Variants in TMEM156 observed in about 807,000 individuals in gnomAD.
TMEM156 encodes the protein transmembrane protein 156.
In TMEM156, 28 loss-of-function variants were observed where a neutral mutation model predicts 30.5. The ratio of observed to expected loss-of-function variants is 0.92; its 90% confidence interval spans 0.68 to 1.26. TMEM156 has a LOEUF of 1.26. Among genes scored for constraint, TMEM156 ranks in the 50% most tolerant of loss-of-function variants. The pLI is 0.00. For missense variants in TMEM156, 351 were observed against 340.6 expected (o/e 1.03, Z -0.24); for synonymous variants, 137 against 119.9 (o/e 1.14, Z -0.93).
chr4:39,006,764 A>AAAT (rs988311610), intron 1 of TMEM156, among the ~76,000 whole-genome samples: 7 of 151,762 alleles, frequency 4.6e-5, no homozygotes, highest in South Asian at 4.2e-4. Flanking sequence ...AAAAAATACA[A>AAAT]AATAATAATA....
At chr4:39,015,849 A>G (rs948012939) in intron 1 of TMEM156, among the ~76,000 whole-genome samples, 1 of 152,072 alleles carries the variant, frequency 6.6e-6, no homozygotes, top group Non-Finnish European at 1.5e-5. Context: ...TGGTTTTATA[A>G]GGGGAAACCC....
At chr4:39,014,858 G>GA (rs1456868217) in intron 1 of TMEM156, among the ~76,000 whole-genome samples, 1 of 149,776 alleles carries the variant, frequency 6.7e-6, no homozygotes, top group African/African-American at 2.5e-5. Flanking sequence ...TTTATGCTTT[G>GA]AAAAAAATTA....
chr4:39,001,592 A>T (rs1180051291), intron 1 of TMEM156, among the ~76,000 whole-genome samples: 4 of 151,606 alleles, frequency 2.6e-5, no homozygotes, highest in Non-Finnish European at 4.4e-5. Context: ...CTAAGCCAAA[A>T]GAACAAAGCT....
intron 6 of TMEM156, among the ~76,000 whole-genome samples, chr4:38,969,098 A>G (rs573246010): frequency 6.6e-6 from 1 of 152,336 alleles, no homozygotes; most frequent in East Asian, 1.9e-4. Context: ...CTGTCGCCCA[A>G]GTACAATACA....
intron 4 of TMEM156, among the ~76,000 whole-genome samples, 191 bp downstream of exon 4, chr4:38,988,660 G>A (rs1488511977): frequency 1.3e-5 from 2 of 152,128 alleles, no homozygotes; most frequent in Non-Finnish European, 2.9e-5. Context: ...TTACTTGCCC[G>A]AGTAGAAGAA....
intron 1 of TMEM156, among the ~76,000 whole-genome samples, chr4:39,013,436 C>T (rs909946582): frequency 1.1e-4 from 16 of 150,852 alleles, no homozygotes; most frequent in African/African-American, 3.9e-4. Flanking sequence ...GAGTCTTGCT[C>T]TGTCGCTAGG....
At chr4:38,983,047 T>G (rs1711702321) in intron 5 of TMEM156, among the ~76,000 whole-genome samples, 1 of 152,126 alleles carries the variant, frequency 6.6e-6, no homozygotes, top group Admixed American at 6.6e-5. Context: ...TGAGGAGAGA[T>G]GCAAAGCTGC....
chr4:38,991,601 A>G (rs751955891), intron 3 of TMEM156, among the ~76,000 whole-genome samples: 1 of 152,196 alleles, frequency 6.6e-6, no homozygotes, highest in African/African-American at 2.4e-5. Context: ...CACCACTGCT[A>G]TCTTTGTGGA....
At chr4:39,022,211 G>A (rs1336831306) in intron 1 of TMEM156, among the ~76,000 whole-genome samples, 1 of 152,136 alleles carries the variant, frequency 6.6e-6, no homozygotes, top group Non-Finnish European at 1.5e-5. Context: ...CCAAGTTATG[G>A]CCAACTGTGT....
At chr4:39,013,486 G>A (rs930574509) in intron 1 of TMEM156, among the ~76,000 whole-genome samples, 2 of 151,072 alleles carry the variant, frequency 1.3e-5, no homozygotes, top group East Asian at 1.9e-4. Flanking sequence ...CTGCAACTCT[G>A]CCTCCTGGAT....
intron 1 of TMEM156, among the ~76,000 whole-genome samples, chr4:38,999,553 T>C (rs1021844713): frequency 6.6e-6 from 1 of 152,214 alleles, no homozygotes; most frequent in African/African-American, 2.4e-5. Flanking sequence ...TATCTCTGTA[T>C]CAGTTTCCTA....
chr4:39,013,372 G>GGTTT (rs1476650440), intron 1 of TMEM156, among the ~76,000 whole-genome samples: 2 of 123,916 alleles, frequency 1.6e-5, no homozygotes, highest in African/African-American at 5.8e-5. Flanking sequence ...TGACATAATT[G>GGTTT]GTTTATTTAT....
intron 2 of TMEM156, among the ~76,000 whole-genome samples, chr4:38,995,493 G>A (rs1020411534): frequency 1.6e-4 from 25 of 152,164 alleles, no homozygotes; most frequent in Admixed American, 5.2e-4. Context: ...AAGGCGGGTG[G>A]ATCACGAGGT....
chr4:38,980,368 T>G (rs950938479), intron 5 of TMEM156, among the ~76,000 whole-genome samples: 1 of 152,158 alleles, frequency 6.6e-6, no homozygotes, highest in Non-Finnish European at 1.5e-5. Flanking sequence ...AAGTTAGAGG[T>G]GAAAGTATTT....
chr4:38,999,110 ATT>A lies in TMEM156; in HGVS notation c.89-203_89-202del, dbSNP rs34889728. ...TCTATTTCATTATTTTTATTTATTT[ATT>A]TTTTTTTTTTTTTTTTTTTTTTGAG... is the stretch of plus-strand genomic sequence containing the variant. On this transcript the variant is annotated intron_variant, in intron 1 of 6. Transcript: ENST00000381938. 3.9e-3 allele frequency among the ~76,000 whole-genome samples: 416 copies of A among 106,044 alleles called. 3 individuals carry two copies. The highest frequency in any genetic ancestry group is 0.026 in the East Asian group (99 of 3,874). The allele number at this position is 106,044 out of a possible 152,430, so 69.6% of individuals were successfully genotyped here.
In TMEM156 at chr4:38,988,851, T is replaced by C. The variant is rs1021199962; in HGVS notation, c.739A>G (p.Ser247Gly). The change falls in exon 4 of 7, where the codon AGT (serine) becomes GGT (glycine). Residue 247 changes from serine (S) to glycine (G), a missense_variant and splice_region_variant. By Grantham distance (56) the Ser-to-Gly change is moderately conservative. Coordinates refer to ENST00000381938, the MANE Select transcript of TMEM156 (RefSeq NM_024943.3). ...TCGGCACTACAGGGATTATACTTAC[T>C]CTGCCACTTTTGCACTCTTCTCTGG... ...EGQRRVQKWQSHRDKPTSVLL... is the reference protein window; with the variant it reads ...EGQRRVQKWQGHRDKPTSVLL... 6.2e-7 allele frequency: 1 copy of C among 1,614,050 alleles called. No homozygotes were observed. The highest frequency in any genetic ancestry group is 1.7e-4 in the Middle Eastern group (1 of 6,058).
intron 1 of TMEM156, among the ~76,000 whole-genome samples, chr4:39,014,274 T>C (rs1714332838): frequency 1.3e-5 from 2 of 152,204 alleles, no homozygotes; most frequent in Admixed American, 1.3e-4. Context: ...ATGAAGAATT[T>C]CATAAACTTA....
chr4:39,018,294 T>C (rs2566105), intron 1 of TMEM156, among the ~76,000 whole-genome samples: 94,918 of 151,486 alleles, frequency 0.63, 30,302 homozygotes, highest in African/African-American at 0.76. Flanking sequence ...GACTTAAAGG[T>C]TACTTTTATA....
intron 5 of TMEM156, among the ~76,000 whole-genome samples, chr4:38,979,689 A>T (rs1422604168): frequency 6.6e-6 from 1 of 152,208 alleles, no homozygotes; most frequent in Non-Finnish European, 1.5e-5. Flanking sequence ...AAACTATGGC[A>T]ATAAATGTCT....
Sources: allele counts gnomAD v4.1 joint callset (sites outside exome capture counted in the v4.1 genomes callset), GRCh38; gene constraint gnomAD v4.1.1; transcripts MANE v1.5; gene names NCBI Gene and HGNC (gene_info 2026-07-23, HGNC 2026-07-21).